DOCK3: variants seen among roughly 807,000 people sequenced by gnomAD.
DOCK3 encodes dedicator of cytokinesis 3, also known as dedicator of cytokinesis protein 3.
DOCK3 carries 60 observed loss-of-function variants against 265.6 expected under a neutral mutation model. That is an observed-to-expected ratio of 0.23 (90% CI 0.18 to 0.28). The LOEUF is 0.28. Among genes scored for constraint, DOCK3 ranks in the 10% least tolerant of loss-of-function variants. The pLI is 1.00. For missense variants in DOCK3, 1,981 were observed against 2,594.3 expected (o/e 0.76, Z 5.14); for synonymous variants, 881 against 938.0 (o/e 0.94, Z 1.11).
At chr3:51,269,759 T>TA (rs1365911683) in intron 23 of DOCK3, among the ~76,000 whole-genome samples, 1 of 152,176 alleles carries the variant, frequency 6.6e-6, no homozygotes, top group Non-Finnish European at 1.5e-5. Context: ...TGCTTCCACT[T>TA]AGACAAGAGA....
In DOCK3 at chr3:51,156,712, C is replaced by T. The variant is rs2107476815; in HGVS notation, c.829-2532C>T. Among the ~76,000 whole-genome samples the T allele has an allele frequency of 1.3e-5, 2 of 152,280 alleles. 1 individual carries two copies. Among genetic ancestry groups the T allele is most frequent in the South Asian group, 4.1e-4 (2 of 4,828 alleles). ...CTGTGTACATGATTGTCAGAAAGAG[C>T]CCCTACTCAGCCACTTGAAAAATAC... is the stretch of plus-strand genomic sequence containing the variant. On this transcript the variant is annotated intron_variant, in intron 10 of 52. Transcript: ENST00000266037.
intron 4 of DOCK3, among the ~76,000 whole-genome samples, chr3:50,921,133 TTC>T (rs1559816613): frequency 1.3e-5 from 2 of 152,236 alleles, no homozygotes; most frequent in Admixed American, 6.5e-5. Context: ...ACAATTTCTG[TTC>T]TTTTACGTTT....
rs1399794394 is a variant in DOCK3 at position 51,188,691 on chromosome 3, G to T, written c.1038-20083G>T. 2.0e-5 allele frequency among the ~76,000 whole-genome samples: 3 copies of T among 152,116 alleles called. No individual in the cohort carries two copies. The East Asian group carries it at 5.8e-4, about 29-fold the overall frequency. On this transcript the variant is annotated intron_variant, in intron 12 of 52. Transcript: ENST00000266037. ...CATGTAAGTGAGAATGTCTTTTCAT[G>T]CCTCATTTCATTTAAAACAATGACC...
At chr3:51,052,286 G>A (rs962481477) in intron 5 of DOCK3, among the ~76,000 whole-genome samples, 5 of 152,060 alleles carry the variant, frequency 3.3e-5, no homozygotes, top group African/African-American at 1.2e-4. Flanking sequence ...TGGGTGGATC[G>A]CTTGAACCTG....
Position 50,756,162 on chromosome 3 carries a change from GC to G in DOCK3, c.38-22511del, listed in dbSNP as rs531856135. On this transcript the variant is annotated intron_variant, in intron 1 of 52. Coordinates refer to ENST00000266037, the MANE Select transcript of DOCK3 (RefSeq NM_004947.5). Reference sequence around the variant, plus strand: ...CAGTGGCCTGCCAGCACTTGGGAGGGCCACATGCACAGTGTGTTTATGGAAG... The same window carrying G: ...CAGTGGCCTGCCAGCACTTGGGAGGGCACATGCACAGTGTGTTTATGGAAG... Among the ~76,000 whole-genome samples the G allele has an allele frequency of 2.7e-3, 418 of 152,290 alleles. 1 individual carries two copies. Among genetic ancestry groups the G allele is most frequent in the African/African-American group, 9.6e-3 (400 of 41,570 alleles).
chr3:50,893,723 T>A (rs967764336), intron 4 of DOCK3, among the ~76,000 whole-genome samples: 2 of 151,914 alleles, frequency 1.3e-5, no homozygotes, highest in African/African-American at 2.4e-5. Flanking sequence ...GAAACTTATT[T>A]AAAGAAACAA....
chr3:50,909,707 C>T (rs968690687), intron 4 of DOCK3, among the ~76,000 whole-genome samples: 4 of 118,734 alleles, frequency 3.4e-5, no homozygotes, highest in African/African-American at 1.3e-4. Context: ...TGGGGTTGAT[C>T]TTCTTGTGGA....
chr3:50,744,096 G>T (rs538176257), intron 1 of DOCK3, among the ~76,000 whole-genome samples: 87 of 152,188 alleles, frequency 5.7e-4, no homozygotes, highest in Admixed American at 2.9e-3. Context: ...TTTTATTAAA[G>T]TCCTTTGTCC....
rs201610263 is a variant in DOCK3, at chr3:51,225,790, A to G, written c.1377+17A>G. 1.0e-5 allele frequency: 16 copies of G among 1,606,830 alleles called. No homozygotes were observed. In the East Asian group the frequency reaches 3.6e-4, roughly 36 times the overall value. ...ATCTTGAAGGTAAGGCTTGCCAGTC[A>G]GTCATTTGGGTTGGAGGATAATCCT... On this transcript the variant is annotated intron_variant, in intron 15 of 52. Coordinates refer to ENST00000266037, the MANE Select transcript of DOCK3 (RefSeq NM_004947.5).
At chr3:51,268,092 T>A (rs546322618) in intron 23 of DOCK3, among the ~76,000 whole-genome samples, 1 of 152,276 alleles carries the variant, frequency 6.6e-6, no homozygotes, top group South Asian at 2.1e-4. Context: ...TATACTTATG[T>A]AACAAACCTG....
chr3:50,796,325 C>G (rs992716854), intron 2 of DOCK3, among the ~76,000 whole-genome samples: 2 of 151,682 alleles, frequency 1.3e-5, no homozygotes, highest in African/African-American at 4.8e-5. Context: ...GCCACCATGC[C>G]CAGCCATTTT....
chr3:50,695,306 C>T (rs969219579), intron 1 of DOCK3, among the ~76,000 whole-genome samples: 4 of 152,240 alleles, frequency 2.6e-5, no homozygotes, highest in Non-Finnish European at 5.9e-5. Flanking sequence ...CTGTTTTTAC[C>T]TCAAATACTG....
intron 12 of DOCK3, among the ~76,000 whole-genome samples, chr3:51,169,185 T>C (rs2086552588): frequency 2.0e-5 from 3 of 152,204 alleles, no homozygotes; most frequent in African/African-American, 4.8e-5. Context: ...TGTTGATTCC[T>C]CAAAAACCTA....
rs2089526789 is a variant in DOCK3, at chr3:51,211,890, T to A, written c.1127-2232T>A. On this transcript the variant is annotated intron_variant, in intron 13 of 52. Transcript: ENST00000266037. ...GGTATGTACCCAGTAATGGGATGGCTGGGTTGATTTGAGGGCCCCATTGAG... is the reference window on the plus strand; with the variant it reads ...GGTATGTACCCAGTAATGGGATGGCAGGGTTGATTTGAGGGCCCCATTGAG... Among the ~76,000 whole-genome samples, 3 of 152,234 alleles carry A rather than the reference T, an allele frequency of 2.0e-5. No homozygotes were observed. The South Asian group carries it at 6.2e-4, about 32-fold the overall frequency.
intron 1 of DOCK3, among the ~76,000 whole-genome samples, chr3:50,681,637 AGT>A (rs1216272225): frequency 6.6e-6 from 1 of 152,212 alleles, no homozygotes; most frequent in African/African-American, 2.4e-5. Flanking sequence ...AAGTACTTGC[AGT>A]TGATTTGCTA....
intron 5 of DOCK3, among the ~76,000 whole-genome samples, chr3:51,047,996 G>A (rs893147986): frequency 6.6e-6 from 1 of 152,032 alleles, no homozygotes; most frequent in African/African-American, 2.4e-5. Context: ...AAAATATTCA[G>A]AAACTGAATT....
Position 51,249,085 on chromosome 3 carries a change from C to T in DOCK3, c.2184+2278C>T, listed in dbSNP as rs867423811. Among the ~76,000 whole-genome samples the T allele has an allele frequency of 2.2e-3, 331 of 151,176 alleles. 1 individual carries two copies. Among genetic ancestry groups the T allele is most frequent in the African/African-American group, 7.4e-3 (304 of 41,108 alleles). On this transcript the variant is annotated intron_variant, in intron 22 of 52. Coordinates refer to ENST00000266037, the MANE Select transcript of DOCK3 (RefSeq NM_004947.5). Reference sequence around the variant, plus strand: ...GAGCGTCTCCGCCCGGCAGCCACCCCGTCCGGGAGGGAGGTGGGGGGGGTC... The same window carrying T: ...GAGCGTCTCCGCCCGGCAGCCACCCTGTCCGGGAGGGAGGTGGGGGGGGTC...
intron 2 of DOCK3, among the ~76,000 whole-genome samples, chr3:50,829,580 A>G (rs1279269274): frequency 6.6e-6 from 1 of 152,148 alleles, no homozygotes; most frequent in Admixed American, 6.5e-5. Context: ...GCCCTCAGAA[A>G]AAAAAAGTCA....
intron 9 of DOCK3, among the ~76,000 whole-genome samples, chr3:51,125,658 C>T (rs2084233094): frequency 6.6e-6 from 1 of 152,050 alleles, no homozygotes; most frequent in Non-Finnish European, 1.5e-5. Flanking sequence ...AGAGGACTTC[C>T]ATAATCACAA....
Sources: allele counts gnomAD v4.1 joint callset (sites outside exome capture counted in the v4.1 genomes callset), GRCh38; gene constraint gnomAD v4.1.1; transcripts MANE v1.5; gene names NCBI Gene and HGNC (gene_info 2026-07-23, HGNC 2026-07-21).